The following LDLRAD4 variants were observed in gnomAD, a reference collection of about 807,000 sequenced individuals.
The protein encoded by LDLRAD4 is low-density lipoprotein receptor class A domain-containing protein 4.
LDLRAD4 carries 5 observed loss-of-function variants against 17.0 expected under a neutral mutation model. The ratio of observed to expected loss-of-function variants is 0.29; its 90% CI spans 0.15 to 0.62. LDLRAD4 has a LOEUF of 0.62. Among genes scored for constraint, LDLRAD4 ranks in the 20% least tolerant of loss-of-function variants. The probability of loss-of-function intolerance (pLI) is 0.84; values close to 1 mark genes in which losing one functional copy is unlikely to be tolerated. For missense variants in LDLRAD4, 340 were observed against 424.7 expected (o/e 0.80, Z 1.75); for synonymous variants, 168 against 171.8 (o/e 0.98, Z 0.17).
chr18:13,346,065 G>T (rs2082668653), intron 1 of LDLRAD4, among the ~76,000 whole-genome samples: 1 of 152,018 alleles, frequency 6.6e-6, no homozygotes, highest in Non-Finnish European at 1.5e-5. Context: ...AGGGTTTTTT[G>T]TGTCTCTATT....
At position 13,621,142 on chromosome 18, in the gene LDLRAD4, C is replaced by T; in HGVS notation, c.207C>T (p.Ile69=). 2 of 1,614,238 alleles carry T rather than the reference C, an allele frequency of 1.2e-6. No individual in the cohort carries two copies. The highest frequency in any genetic ancestry group is 1.7e-6 in the Non-Finnish European group (2 of 1,180,050). ...CGGAGCTGGAGTTCGCCCAAATCAT[C>T]ATCATCGTCGTGGTGGTCACGGTGA... Residue 69 remains isoleucine, a synonymous_variant, in exon 4 of 6, where the codon ATC becomes ATT. Coordinates refer to ENST00000359446, the Ensembl canonical transcript of LDLRAD4. The surrounding 1 kb of genome is among the most constrained non-coding windows in gnomAD (Gnocchi z 5.5).
At chr18:13,351,368 G>T (rs986952110) in intron 1 of LDLRAD4, among the ~76,000 whole-genome samples, 3 of 151,936 alleles carry the variant, frequency 2.0e-5, no homozygotes, top group Admixed American at 6.6e-5. Context: ...GTATTCCTAG[G>T]CATTTTATTC....
At chr18:13,431,716 G>T (rs930991457) in intron 2 of LDLRAD4, among the ~76,000 whole-genome samples, 6 of 152,076 alleles carry the variant, frequency 3.9e-5, no homozygotes, top group Non-Finnish European at 8.8e-5. Context: ...TCTCTTTGAC[G>T]GGAGGCTCTT....
intron 4 of LDLRAD4, among the ~76,000 whole-genome samples, chr18:13,631,685 T>TGG (rs1466469665): frequency 1.3e-5 from 2 of 152,152 alleles, no homozygotes; most frequent in African/African-American, 4.8e-5. Flanking sequence ...CCCAGCACTT[T>TGG]GGGAGGCTAA....
intron 1 of LDLRAD4, among the ~76,000 whole-genome samples, chr18:13,365,213 G>A (rs143900192): frequency 7.9e-5 from 12 of 152,316 alleles, no homozygotes; most frequent in Non-Finnish European, 1.8e-4. Flanking sequence ...TACACCGTCC[G>A]TGCTTCCAGC....
chr18:13,482,052 C>T (rs1187618761), intron 3 of LDLRAD4, among the ~76,000 whole-genome samples: 1 of 151,744 alleles, frequency 6.6e-6, no homozygotes, highest in African/African-American at 2.4e-5. Flanking sequence ...GGAGAGTGAG[C>T]GTCTCTGTGG....
intron 1 of LDLRAD4, among the ~76,000 whole-genome samples, chr18:13,377,892 C>T (rs117590228): frequency 1.3e-5 from 2 of 152,340 alleles, no homozygotes; most frequent in Non-Finnish European, 2.9e-5. Context: ...CACCCCCACT[C>T]ACCTTGAATT....
At chr18:13,353,881 T>G (rs765342907) in intron 1 of LDLRAD4, among the ~76,000 whole-genome samples, 1 of 152,260 alleles carries the variant, frequency 6.6e-6, no homozygotes, top group Non-Finnish European at 1.5e-5. Flanking sequence ...TCCAGCTCTT[T>G]TATAAAGTTA....
At chr18:13,612,789 A>C in intron 3 of LDLRAD4, 1 of 1,613,964 alleles carries the variant, frequency 6.2e-7, no homozygotes, top group South Asian at 1.1e-5. Context: ...ATTTCCCAAG[A>C]ACTGCTATGG....
At chr18:13,341,808 C>T (rs545662641) in intron 1 of LDLRAD4, among the ~76,000 whole-genome samples, 5 of 152,106 alleles carry the variant, frequency 3.3e-5, no homozygotes, top group African/African-American at 1.2e-4. Context: ...TTGTCTTATT[C>T]CTTATCTTAG....
At chr18:13,307,687 G>T (rs550120811) in intron 1 of LDLRAD4, among the ~76,000 whole-genome samples, 2 of 152,202 alleles carry the variant, frequency 1.3e-5, no homozygotes, top group East Asian at 1.9e-4. Flanking sequence ...CCAAAGTGTT[G>T]GGATTACAGG....
At chr18:13,388,717 C>T (rs2086024114) in intron 2 of LDLRAD4, among the ~76,000 whole-genome samples, 1 of 152,240 alleles carries the variant, frequency 6.6e-6, no homozygotes, top group Non-Finnish European at 1.5e-5. Flanking sequence ...CCTAGACAGC[C>T]TTGCACTCCT....
Position 13,609,516 on chromosome 18 carries a change from T to A in LDLRAD4, c.182-11601T>A, listed in dbSNP as rs2039282009. 2.6e-5 allele frequency among the ~76,000 whole-genome samples: 3 copies of A among 117,032 alleles called. No homozygotes were observed. The South Asian group carries it at 8.7e-4, about 34-fold the overall frequency. The allele number at this position is 117,032 out of a possible 152,430, so 76.8% of individuals were successfully genotyped here. Reference sequence around the variant, plus strand: ...CAGACACCCACAGGAGCGCTCATTATGCGTGTGTGTGTGCGTGTGTGTGTG... The same window carrying A: ...CAGACACCCACAGGAGCGCTCATTAAGCGTGTGTGTGTGCGTGTGTGTGTG... On this transcript the variant is annotated intron_variant, in intron 3 of 5. Transcript: ENST00000359446.
At chr18:13,357,357 G>GC (rs1310260459) in intron 1 of LDLRAD4, among the ~76,000 whole-genome samples, 1 of 151,806 alleles carries the variant, frequency 6.6e-6, no homozygotes, top group Non-Finnish European at 1.5e-5. Flanking sequence ...ACAGGCATGA[G>GC]CCCCCACACC....
intron 4 of LDLRAD4, among the ~76,000 whole-genome samples, chr18:13,640,013 G>A (rs1224989659): frequency 1.3e-5 from 2 of 152,284 alleles, no homozygotes; most frequent in African/African-American, 2.4e-5. Context: ...CTGGCAAGGT[G>A]CGGTGGCTCA....
intron 4 of LDLRAD4, among the ~76,000 whole-genome samples, chr18:13,625,147 G>A (rs1376628858): frequency 6.6e-6 from 1 of 152,194 alleles, no homozygotes; most frequent in Non-Finnish European, 1.5e-5. Flanking sequence ...GGAGCCTCCT[G>A]TGAGGGCCTG....
intron 3 of LDLRAD4, chr18:13,489,051 G>T (rs1173485835): frequency 6.6e-6 from 1 of 152,218 alleles, no homozygotes; most frequent in Non-Finnish European, 1.5e-5. Flanking sequence ...GGGGTTTGGG[G>T]CTGCTATCTT....
chr18:13,612,570 ACT>A (rs2039685080), intron 3 of LDLRAD4: 3 of 1,459,926 alleles, frequency 2.1e-6, no homozygotes, highest in East Asian at 2.6e-5. Flanking sequence ...ACGCTCACAC[ACT>A]CTCCCACACC....
intron 3 of LDLRAD4, among the ~76,000 whole-genome samples, chr18:13,439,720 G>A (rs1354848638): frequency 6.6e-6 from 1 of 152,232 alleles, no homozygotes; most frequent in African/African-American, 2.4e-5. Flanking sequence ...AGGGCTGGGT[G>A]CAGGAAGAGG....
Sources: allele counts gnomAD v4.1 joint callset (sites outside exome capture counted in the v4.1 genomes callset), GRCh38; gene constraint gnomAD v4.1.1; non-coding constraint Gnocchi (gnomAD v3.1); transcripts MANE v1.5; gene names NCBI Gene and HGNC (gene_info 2026-07-23, HGNC 2026-07-21).